TMED3: variants seen among roughly 807,000 people sequenced by gnomAD.
TMED3 encodes transmembrane emp24 domain-containing protein 3.
Under a neutral mutation model 15.0 loss-of-function variants are expected in TMED3, and 9 were observed. That is an observed-to-expected ratio of 0.60 (90% CI 0.36 to 1.04). The LOEUF is 1.04. TMED3 is among the 50% of genes least tolerant of loss of function. TMED3 has a pLI of 0.01. For missense variants in TMED3, 267 were observed against 278.9 expected, an observed-to-expected ratio of 0.96 and a Z score of 0.30; for synonymous variants, 117 against 121.4, an observed-to-expected ratio of 0.96 and a Z score of 0.24.
At chr15:79,331,542 C>CAAAAAAAA (rs71451761) in intron 2 of TMED3, among the ~76,000 whole-genome samples, 3 of 89,286 alleles carry the variant, frequency 3.4e-5, no homozygotes, top group East Asian at 5.1e-4. Context: ...GCAAAAGAAG[C>CAAAAAAAA]AAAAAAAAAA....
chr15:79,321,918 T>G (rs995343098), intron 2 of TMED3, 60 bp from the exon 3 acceptor site: 2 of 1,575,762 alleles, frequency 1.3e-6, no homozygotes, highest in Non-Finnish European at 1.7e-6. Flanking sequence ...ATTTGCTGTT[T>G]GCTGGATCCC....
chr15:79,381,434 C>T (rs1893534771), intron 2 of TMED3, among the ~76,000 whole-genome samples: 1 of 152,166 alleles, frequency 6.6e-6, no homozygotes, highest in South Asian at 2.1e-4. Flanking sequence ...GCACACTTAG[C>T]AAAACAGGAT....
In TMED3 at chr15:79,392,699, G is replaced by C. The variant is rs530895865; in HGVS notation, c.418-18701G>C. Among the ~76,000 whole-genome samples the C allele has an allele frequency of 2.6e-5, 4 of 152,298 alleles. No homozygotes were observed. The South Asian group carries it at 8.3e-4, about 32-fold the overall frequency. ...TGTTCGTGTGGTCTTGTCTGATAATGTGCTTAGTTAATTTTTGTTCTGGAC... is the reference window on the plus strand; with the variant it reads ...TGTTCGTGTGGTCTTGTCTGATAATCTGCTTAGTTAATTTTTGTTCTGGAC... On this transcript the variant is annotated intron_variant, in intron 2 of 2. Coordinates refer to the TMED3 transcript ENST00000424155.
At chr15:79,329,041 A>G (rs1304860059) in intron 2 of TMED3, among the ~76,000 whole-genome samples, 4 of 152,164 alleles carry the variant, frequency 2.6e-5, no homozygotes, top group African/African-American at 9.6e-5. Flanking sequence ...TTTAATACCT[A>G]GGGGTGGTGG....
At chr15:79,408,372 A>G (rs746241417) in intron 2 of TMED3, among the ~76,000 whole-genome samples, 25 of 152,222 alleles carry the variant, frequency 1.6e-4, no homozygotes, top group Non-Finnish European at 2.8e-4. Flanking sequence ...TCAGAGACCT[A>G]TAGCATCTAT....
chr15:79,327,286 C>G (rs1322834245), downstream of TMED3, among the ~76,000 whole-genome samples: 2 of 152,328 alleles, frequency 1.3e-5, no homozygotes, highest in East Asian at 3.9e-4. Flanking sequence ...AATGGGATCT[C>G]ACCAAACACT....
At chr15:79,359,232 T>TG (rs1491079066) in intron 2 of TMED3, among the ~76,000 whole-genome samples, 1 of 46,000 alleles carries the variant, frequency 2.2e-5, no homozygotes, top group Non-Finnish European at 8.1e-5. Flanking sequence ...AAGGCTCAGT[T>TG]TTTTTTTTTT....
At chr15:79,351,586 G>A (rs946031457) in intron 2 of TMED3, among the ~76,000 whole-genome samples, 4 of 152,102 alleles carry the variant, frequency 2.6e-5, no homozygotes, top group African/African-American at 9.7e-5. Context: ...AGATGTTGGC[G>A]TGGATGTGGT....
chr15:79,348,390 C>T (rs143462337), intron 2 of TMED3, among the ~76,000 whole-genome samples: 8 of 152,276 alleles, frequency 5.3e-5, no homozygotes, highest in East Asian at 3.9e-4. Context: ...TAAATATAGT[C>T]ACTACCCTGT....
At chr15:79,351,138 A>G (rs1456913962) in intron 2 of TMED3, among the ~76,000 whole-genome samples, 1 of 152,236 alleles carries the variant, frequency 6.6e-6, no homozygotes, top group African/African-American at 2.4e-5. Context: ...AATAGTTGCC[A>G]TCATGATAGG....
intron 2 of TMED3, among the ~76,000 whole-genome samples, chr15:79,347,536 A>G (rs1595895271): frequency 6.6e-6 from 1 of 152,202 alleles, no homozygotes; most frequent in Admixed American, 6.5e-5. Context: ...GGCCAGGGCA[A>G]TCAGGCAAGG....
intron 2 of TMED3, among the ~76,000 whole-genome samples, chr15:79,373,437 G>A (rs530591415): frequency 2.0e-5 from 3 of 152,028 alleles, no homozygotes; most frequent in Non-Finnish European, 2.9e-5. Context: ...AATTTCCCTC[G>A]CCTCCCAACA....
intron 2 of TMED3, among the ~76,000 whole-genome samples, chr15:79,389,725 A>G (rs1376794941): frequency 1.3e-5 from 2 of 152,164 alleles, no homozygotes; most frequent in Non-Finnish European, 2.9e-5. Context: ...ATCCATGAGC[A>G]TGGGATGTGT....
At chr15:79,329,470 T>G (rs533671517) in intron 2 of TMED3, among the ~76,000 whole-genome samples, 1 of 152,338 alleles carries the variant, frequency 6.6e-6, no homozygotes, top group East Asian at 1.9e-4. Flanking sequence ...AATAGCCTGT[T>G]TGTGTAAGCT....
At chr15:79,384,588 A>G (rs2141251051) in intron 2 of TMED3, 1 of 152,332 alleles carries the variant, frequency 6.6e-6, no homozygotes, top group East Asian at 1.9e-4. Flanking sequence ...TCAAACTCAA[A>G]AAGTTCCCCT....
chr15:79,320,026 G>A (rs1288751752), intron 2 of TMED3, among the ~76,000 whole-genome samples: 1 of 152,168 alleles, frequency 6.6e-6, no homozygotes, highest in African/African-American at 2.4e-5. Flanking sequence ...AGAGGTGGAG[G>A]AGTAGAGTCT....
chr15:79,392,662 T>C lies in TMED3; in HGVS notation c.418-18738T>C, dbSNP rs1438314482. ...CAACTCTTTCTACTGTTTATTATTT[T>C]AGCTGATTTTTTGTTCGTGTGGTCT... On this transcript the variant is annotated intron_variant, in intron 2 of 2. Transcript: ENST00000424155. Among the ~76,000 whole-genome samples the C allele has an allele frequency of 2.6e-5, 4 of 152,258 alleles. No homozygotes were observed. The East Asian group carries it at 5.8e-4, about 22-fold the overall frequency.
chr15:79,353,190 T>TATTATATATATTATATATATTATAC (rs1373529043), intron 2 of TMED3, among the ~76,000 whole-genome samples: 6 of 53,260 alleles, frequency 1.1e-4, no homozygotes, highest in African/African-American at 5.6e-4. Context: ...ATAAAATATA[T>TATTATATATATTATATATATTATAC]ATAATATATA....
intron 2 of TMED3, among the ~76,000 whole-genome samples, chr15:79,397,925 C>T (rs968426540): frequency 6.6e-6 from 1 of 152,216 alleles, no homozygotes. Flanking sequence ...ACCTCTCTGA[C>T]TATCATCATC....
Sources: gnomAD v4.1 joint callset for allele counts (sites outside exome capture counted in the v4.1 genomes callset) on GRCh38, gnomAD v4.1.1 for gene constraint, MANE v1.5 for transcripts, NCBI Gene and HGNC (gene_info 2026-07-23, HGNC 2026-07-21) for gene names.